The following SPCS2 variants were observed in gnomAD, a reference collection of about 807,000 sequenced individuals.
SPCS2 encodes the protein signal peptidase complex subunit 2.
SPCS2 carries 3 observed loss-of-function variants against 22.3 expected under a neutral mutation model. The observed-to-expected ratio is 0.13, with a 90% CI of 0.06 to 0.35. The LOEUF (loss-of-function observed/expected upper bound fraction) is 0.35, where lower values mean the gene tolerates loss of function less well. SPCS2 is among the 10% of genes least tolerant of loss of function. The pLI is 1.00. For synonymous variants in SPCS2, 67 were observed against 97.2 expected (o/e 0.69, Z 1.83); for missense variants, 169 against 280.9 (o/e 0.60, Z 2.85).
chr11:74,978,289 T>C lies in SPCS2; in HGVS notation c.*1246T>C, dbSNP rs1948627446. On this transcript the variant is annotated 3_prime_UTR_variant, in exon 5 of 5. Transcript: ENST00000263672. ...AAGAAATTACCATTATCACATTTCC[T>C]GTTTGTCTTGGAGAGGTTGTCCTAT... 6.6e-6 allele frequency: 1 copy of C among 152,270 alleles called. No homozygotes were observed. The highest frequency in any genetic ancestry group is 2.4e-5 in the African/African-American group (1 of 41,468). The allele number at this position is 152,270 out of a possible 1,614,324, so 9.4% of individuals were successfully genotyped here.
At chr11:74,963,629 C>T (rs1056815842) in intron 1 of SPCS2, 20 of 437,246 alleles carry the variant, frequency 4.6e-5, no homozygotes, top group African/African-American at 1.2e-4. Flanking sequence ...AGGCTGGACT[C>T]GAGCTCCTGG....
chr11:74,965,004 T>C (rs1432637719), intron 1 of SPCS2, 30 bp from the exon 2 acceptor site: 1 of 1,499,468 alleles, frequency 6.7e-7, no homozygotes, highest in Non-Finnish European at 9.1e-7. Context: ...CCAGGTTTCT[T>C]GATGCACAAC....
In SPCS2 at chr11:74,963,610, A is replaced by C. The variant is rs112441408; in HGVS notation, c.115-1424A>C. The C allele has an allele frequency of 1.7e-4, 76 of 441,172 alleles. 1 individual carries two copies. The highest frequency in any genetic ancestry group is 1.4e-3 in the African/African-American group (67 of 49,184). 27.3% of individuals were successfully genotyped at this position (441,172 alleles called of 1,614,324 possible). The stretch of plus-strand genomic sequence containing the variant: ...TTATTTTCAGAGACAAGCTCTCACT[A>C]TATTGCCCAGGCTGGACTCGAGCTC... On this transcript the variant is annotated intron_variant, in intron 1 of 4. Transcript: ENST00000263672.
intron 2 of SPCS2, 75 bp from the exon 3 acceptor site, chr11:74,965,688 A>G (rs920159264): frequency 2.3e-6 from 3 of 1,285,632 alleles, no homozygotes; most frequent in African/African-American, 3.0e-5. Flanking sequence ...TTCTTTTATC[A>G]TGGAAATCAA....
intron 1 of SPCS2, among the ~76,000 whole-genome samples, chr11:74,964,602 G>A (rs1948532777): frequency 6.6e-6 from 1 of 152,160 alleles, no homozygotes; most frequent in Admixed American, 6.6e-5. Context: ...TGTGGTCACA[G>A]AAAGAAAGAA....
chr11:74,960,055 T>A (rs12577614), intron 1 of SPCS2, among the ~76,000 whole-genome samples: 38,501 of 152,184 alleles, frequency 0.25, 5,821 homozygotes, highest in East Asian at 0.53. Context: ...CTGACAAAAG[T>A]TGTCTTTATC....
chr11:74,970,163 T>C (rs2140220130), intron 4 of SPCS2, among the ~76,000 whole-genome samples: 1 of 152,294 alleles, frequency 6.6e-6, no homozygotes, highest in East Asian at 1.9e-4. Flanking sequence ...CTGACACACA[T>C]GTGTTTTGTA....
intron 1 of SPCS2, among the ~76,000 whole-genome samples, chr11:74,951,525 C>T (rs563745675): frequency 1.1e-3 from 161 of 151,962 alleles, no homozygotes; most frequent in African/African-American, 3.7e-3. Context: ...AGAGTAAGAG[C>T]CTCGGCCGGG....
chr11:74,963,612 A>G (rs1046382810), intron 1 of SPCS2: 3 of 440,924 alleles, frequency 6.8e-6, no homozygotes, highest in African/African-American at 4.1e-5. Flanking sequence ...CTCTCACTAT[A>G]TTGCCCAGGC....
At chr11:74,973,773 T>C (rs556960608) in intron 4 of SPCS2, among the ~76,000 whole-genome samples, 17 of 152,218 alleles carry the variant, frequency 1.1e-4, no homozygotes, top group Admixed American at 2.6e-4. Context: ...TTTTTTGTTG[T>C]TGGGAAGATA....
chr11:74,953,582 G>A (rs1591734525), intron 1 of SPCS2, among the ~76,000 whole-genome samples: 1 of 152,190 alleles, frequency 6.6e-6, no homozygotes, highest in South Asian at 2.1e-4. Context: ...TTGCCATAAA[G>A]AAGTGTAATA....
At chr11:74,976,279 C>G (rs899534179) in intron 4 of SPCS2, among the ~76,000 whole-genome samples, 4 of 152,196 alleles carry the variant, frequency 2.6e-5, no homozygotes. Flanking sequence ...AAAGAAACCT[C>G]CCAGTCTAGT....
chr11:74,976,814 C>CT, intron 4 of SPCS2, 43 bp from the exon 5 acceptor site: 1 of 1,611,662 alleles, frequency 6.2e-7, no homozygotes. Context: ...GGTTGAATCT[C>CT]TGTGTTTGGT....
chr11:74,971,490 C>T lies in SPCS2; in HGVS notation c.494+1791C>T, dbSNP rs370392714. Among the ~76,000 whole-genome samples the T allele has an allele frequency of 5.2e-4, 79 of 152,162 alleles. 1 individual carries two copies. The highest frequency in any genetic ancestry group is 1.8e-3 in the African/African-American group (74 of 41,510). ...TGTACAAGGGTTCTGATTTTTTTCA[C>T]GTTTCCTGCTGATTTTTACCAACTG... On this transcript the variant is annotated intron_variant, in intron 4 of 4. Coordinates refer to ENST00000263672, the MANE Select transcript of SPCS2 (RefSeq NM_014752.3).
chr11:74,973,062 TA>T (rs896818068), intron 4 of SPCS2, among the ~76,000 whole-genome samples: 1 of 152,126 alleles, frequency 6.6e-6, no homozygotes, highest in African/African-American at 2.4e-5. Context: ...TTCTCTTTCT[TA>T]CCCTAAGTGA....
chr11:74,954,532 T>C (rs1948465414), intron 1 of SPCS2, among the ~76,000 whole-genome samples: 1 of 152,240 alleles, frequency 6.6e-6, no homozygotes, highest in African/African-American at 2.4e-5. Context: ...TTTACTCTAC[T>C]GGAAGATATC....
At position 74,978,221 on chromosome 11, in the gene SPCS2, C is replaced by G. The variant is rs1948627118; in HGVS notation, c.*1178C>G. ...ATTTCCCTACAGCCTTACAAAACAT[C>G]AATTTTGGCTGAGCCTAGTACCCAA... On this transcript the variant is annotated 3_prime_UTR_variant, in exon 5 of 5. Coordinates refer to ENST00000263672, the MANE Select transcript of SPCS2 (RefSeq NM_014752.3). 2.0e-5 allele frequency: 3 copies of G among 152,204 alleles called. No homozygotes were observed. The highest frequency in any genetic ancestry group is 7.2e-5 in the African/African-American group (3 of 41,446). The allele number at this position is 152,204 out of a possible 1,614,324, so 9.4% of individuals were successfully genotyped here.
chr11:74,976,761 C>G, intron 4 of SPCS2, 96 bp from the exon 5 acceptor site: 1 of 1,502,974 alleles, frequency 6.7e-7, no homozygotes, highest in Non-Finnish European at 9.1e-7. Flanking sequence ...CCGTGCCCAG[C>G]TTACTCCTTT....
chr11:74,955,884 A>ATATATATATATATT (rs1555115691), intron 1 of SPCS2, among the ~76,000 whole-genome samples: 1 of 127,846 alleles, frequency 7.8e-6, no homozygotes, highest in Non-Finnish European at 1.6e-5. Context: ...ATATATATAT[A>ATATATATATATATT]TATCTGCCTG....
Sources: allele counts gnomAD v4.1 joint callset (sites outside exome capture counted in the v4.1 genomes callset), GRCh38; gene constraint gnomAD v4.1.1; transcripts MANE v1.5; gene names NCBI Gene and HGNC (gene_info 2026-07-23, HGNC 2026-07-21).